The following GRID1 variants were observed in gnomAD, a reference collection of about 807,000 sequenced individuals.
GRID1 encodes glutamate receptor ionotropic, delta-1.
Under a neutral mutation model 98.0 loss-of-function variants are expected in GRID1, and 28 were observed. That is an observed-to-expected ratio of 0.29 (90% CI 0.21 to 0.39). The LOEUF (loss-of-function observed/expected upper bound fraction) is 0.39. GRID1 is among the 10% of genes least tolerant of loss of function. The pLI, the probability that GRID1 is intolerant of heterozygous loss-of-function variation, is 1.00. For missense variants in GRID1, 1,111 were observed against 1,340.5 expected (o/e 0.83, Z 2.67); for synonymous variants, 553 against 538.5 (o/e 1.03, Z -0.37).
chr10:86,199,633 G>A (rs561441101), intron 3 of GRID1, among the ~76,000 whole-genome samples: 2 of 152,130 alleles, frequency 1.3e-5, no homozygotes, highest in African/African-American at 4.8e-5. Context: ...GCAGCTCCAC[G>A]CTCTTTCAGG....
intron 12 of GRID1, among the ~76,000 whole-genome samples, chr10:85,658,746 G>A (rs1056301827): frequency 6.6e-6 from 1 of 151,646 alleles, no homozygotes; most frequent in African/African-American, 2.4e-5. Flanking sequence ...GGCTGAGGCT[G>A]AGGCTTAAGG....
At chr10:85,852,519 C>A (rs1307031337) in intron 8 of GRID1, among the ~76,000 whole-genome samples, 2 of 152,176 alleles carry the variant, frequency 1.3e-5, no homozygotes, top group African/African-American at 4.8e-5. Context: ...AGCCAGCATT[C>A]CCACCAAAAG....
chr10:85,965,735 T>C (rs979188683), intron 4 of GRID1, among the ~76,000 whole-genome samples: 1 of 152,034 alleles, frequency 6.6e-6, no homozygotes. Flanking sequence ...TGTATACCTA[T>C]GTAACAAACC....
At chr10:86,175,897 C>T (rs552742484) in intron 3 of GRID1, among the ~76,000 whole-genome samples, 47 of 152,314 alleles carry the variant, frequency 3.1e-4, no homozygotes, top group South Asian at 1.4e-3. Context: ...TTGGTAGAGA[C>T]GGGGTTTCTC....
At chr10:85,609,073 C>A (rs1405166928) in intron 15 of GRID1, among the ~76,000 whole-genome samples, 2 of 152,150 alleles carry the variant, frequency 1.3e-5, no homozygotes, top group Non-Finnish European at 2.9e-5. Context: ...ACCCAATGGG[C>A]TCATGCACAT....
intron 2 of GRID1, among the ~76,000 whole-genome samples, chr10:86,325,593 C>T (rs1413012843): frequency 6.6e-6 from 1 of 152,222 alleles, no homozygotes; most frequent in Admixed American, 6.5e-5. Flanking sequence ...TAAAAGAAAC[C>T]TCCTTCCCAA....
intron 12 of GRID1, among the ~76,000 whole-genome samples, chr10:85,673,675 A>G (rs2132586853): frequency 6.6e-6 from 1 of 152,376 alleles, no homozygotes; most frequent in Admixed American, 6.5e-5. Context: ...TTTTTTAGAC[A>G]TAATGCTATT....
At chr10:86,245,485 CTA>C in intron 2 of GRID1, among the ~76,000 whole-genome samples, 1 of 13,726 alleles carries the variant, frequency 7.3e-5, no homozygotes, top group Non-Finnish European at 3.3e-4. Flanking sequence ...CATTCCTCCT[CTA>C]CCATTTGCTT....
At chr10:86,087,747 G>A (rs752048734) in intron 4 of GRID1, among the ~76,000 whole-genome samples, 77 of 152,122 alleles carry the variant, frequency 5.1e-4, no homozygotes, top group Non-Finnish European at 1.0e-3. Context: ...ATAGCACAAG[G>A]GAGAAGCTCC....
At chr10:85,899,527 G>A (rs1288996178) in intron 5 of GRID1, among the ~76,000 whole-genome samples, 2 of 152,184 alleles carry the variant, frequency 1.3e-5, no homozygotes, top group Admixed American at 1.3e-4. Flanking sequence ...GGGCAGAAAG[G>A]AAGCAATCCT....
chr10:86,034,526 T>C (rs61856047), intron 4 of GRID1, among the ~76,000 whole-genome samples: 9,271 of 152,142 alleles, frequency 0.061, 351 homozygotes, highest in Non-Finnish European at 0.085. Flanking sequence ...TTGTAAGTGA[T>C]AGAGCAAGAA....
chr10:85,609,786 C>T (rs1255879480), intron 15 of GRID1, among the ~76,000 whole-genome samples: 2 of 152,212 alleles, frequency 1.3e-5, no homozygotes, highest in Non-Finnish European at 2.9e-5. Flanking sequence ...CTCCTCATGT[C>T]GTCTCCCATT....
At chr10:86,028,730 G>C (rs1376300838) in intron 4 of GRID1, among the ~76,000 whole-genome samples, 5 of 151,974 alleles carry the variant, frequency 3.3e-5, no homozygotes. Flanking sequence ...AAGCCACCTG[G>C]TAGGAGGGAC....
At chr10:86,169,268 A>G (rs1845446140) in intron 3 of GRID1, among the ~76,000 whole-genome samples, 1 of 152,206 alleles carries the variant, frequency 6.6e-6, no homozygotes, top group Non-Finnish European at 1.5e-5. Flanking sequence ...GAATGAGGCA[A>G]GTACTGTTGA....
At chr10:85,835,818 TATC>T (rs1219186865) in intron 8 of GRID1, among the ~76,000 whole-genome samples, 1 of 152,186 alleles carries the variant, frequency 6.6e-6, no homozygotes, top group East Asian at 1.9e-4. Context: ...AAAGAACTGA[TATC>T]ATACAGAGTA....
chr10:85,701,206 TC>T (rs1412324570), intron 12 of GRID1, among the ~76,000 whole-genome samples: 1 of 152,124 alleles, frequency 6.6e-6, no homozygotes, highest in Middle Eastern at 3.2e-3. Flanking sequence ...ATGCATCATC[TC>T]CGTGGATTTC....
chr10:86,090,264 C>CAAA (rs761084127), intron 4 of GRID1, among the ~76,000 whole-genome samples: 1 of 124,388 alleles, frequency 8.0e-6, no homozygotes, highest in African/African-American at 2.9e-5. Context: ...CTAAAAATGC[C>CAAA]AAAAAAAAAA....
chr10:86,234,931 T>C (rs1397740737), intron 2 of GRID1, among the ~76,000 whole-genome samples: 1 of 151,994 alleles, frequency 6.6e-6, no homozygotes. Context: ...GCCAAATCAA[T>C]AGAGCTGGAG....
intron 8 of GRID1, among the ~76,000 whole-genome samples, chr10:85,831,234 C>G (rs1677268242): frequency 6.6e-6 from 1 of 152,140 alleles, no homozygotes; most frequent in East Asian, 1.9e-4. Context: ...TATGTGTTCT[C>G]ACTTATAAGT....
Sources: allele counts gnomAD v4.1 joint callset (sites outside exome capture counted in the v4.1 genomes callset), GRCh38; gene constraint gnomAD v4.1.1; transcripts MANE v1.5; gene names NCBI Gene and HGNC (gene_info 2026-07-23, HGNC 2026-07-21).